PEX7: variants seen among roughly 807,000 people sequenced by gnomAD.
The protein encoded by PEX7 is PTS2 receptor.
Under a neutral mutation model 47.5 loss-of-function variants are expected in PEX7, and 34 were observed. That is an observed-to-expected ratio of 0.72 (90% CI 0.54 to 0.95). The LOEUF is 0.95. PEX7 is among the 40% of genes least tolerant of loss of function. The pLI, the probability that PEX7 is intolerant of heterozygous loss-of-function variation, is 0.00. For synonymous variants in PEX7, 141 were observed against 148.8 expected (o/e 0.95, Z 0.38); for missense variants, 394 against 400.3 (o/e 0.98, Z 0.13).
chr6:136,825,585 G>GTACA (rs1774173193), intron 2 of PEX7, among the ~76,000 whole-genome samples: 1 of 151,954 alleles, frequency 6.6e-6, no homozygotes, highest in South Asian at 2.1e-4. Context: ...CCAGGCTGGA[G>GTACA]TACAGTGGCG....
At chr6:136,908,423 C>T (rs1324797598) in intron 9 of PEX7, among the ~76,000 whole-genome samples, 3 of 152,028 alleles carry the variant, frequency 2.0e-5, no homozygotes, top group African/African-American at 7.2e-5. Context: ...AGAAATATAA[C>T]ATTTTGACAA....
chr6:136,837,407 G>A (rs865830877), intron 3 of PEX7, among the ~76,000 whole-genome samples: 14 of 142,508 alleles, frequency 9.8e-5, no homozygotes, highest in East Asian at 6.3e-4. Flanking sequence ...AGAGAAAAGC[G>A]TTATGAGAAT....
intron 8 of PEX7, among the ~76,000 whole-genome samples, chr6:136,881,816 G>C (rs1452644522): frequency 6.6e-6 from 1 of 152,176 alleles, no homozygotes; most frequent in Non-Finnish European, 1.5e-5. Flanking sequence ...GCTGAGTCCT[G>C]AGCAAGGACA....
intron 8 of PEX7, among the ~76,000 whole-genome samples, chr6:136,896,715 A>T (rs1027846501): frequency 6.6e-6 from 1 of 152,174 alleles, no homozygotes; most frequent in African/African-American, 2.4e-5. Flanking sequence ...GCCATATTAA[A>T]TGCTTATTTT....
intron 6 of PEX7, among the ~76,000 whole-genome samples, chr6:136,869,501 G>T (rs1169814649): frequency 6.6e-6 from 1 of 152,128 alleles, no homozygotes; most frequent in Non-Finnish European, 1.5e-5. Context: ...GCCTCCCAAG[G>T]TGCTGGAATT....
intron 3 of PEX7, among the ~76,000 whole-genome samples, chr6:136,828,142 A>G (rs1307350060): frequency 1.3e-5 from 2 of 152,200 alleles, no homozygotes; most frequent in Admixed American, 6.5e-5. Flanking sequence ...TCAATCAAGT[A>G]AAGTCGTTGC....
chr6:136,862,576 A>T (rs946324708), intron 5 of PEX7, among the ~76,000 whole-genome samples: 4 of 152,026 alleles, frequency 2.6e-5, no homozygotes, highest in African/African-American at 4.8e-5. Flanking sequence ...GAATCTCACT[A>T]TGTTGCTCAG....
At chr6:136,830,109 A>C in intron 3 of PEX7, 1 of 689,012 alleles carries the variant, frequency 1.5e-6, no homozygotes, top group East Asian at 2.7e-5. Context: ...GGTTTTAGTC[A>C]ATCTTGGATT....
intron 9 of PEX7, among the ~76,000 whole-genome samples, chr6:136,908,563 G>A (rs1562760665): frequency 1.3e-5 from 2 of 152,124 alleles, no homozygotes; most frequent in Admixed American, 6.6e-5. Flanking sequence ...GGGCTTGTGA[G>A]TAAAGGAATA....
intron 9 of PEX7, among the ~76,000 whole-genome samples, chr6:136,910,236 A>C (rs1237377035): frequency 6.6e-6 from 1 of 152,214 alleles, no homozygotes; most frequent in Non-Finnish European, 1.5e-5. Flanking sequence ...TGTTCTAATA[A>C]GACATGGTCC....
intron 6 of PEX7, among the ~76,000 whole-genome samples, chr6:136,868,961 CAA>C (rs757786140): frequency 8.5e-5 from 13 of 152,174 alleles, no homozygotes; most frequent in Non-Finnish European, 1.6e-4. Context: ...GAGTTGGAAA[CAA>C]TGATTAATTT....
intron 5 of PEX7, among the ~76,000 whole-genome samples, chr6:136,862,468 C>A (rs561960614): frequency 6.6e-6 from 1 of 150,420 alleles, no homozygotes. Context: ...CTTGACCTCC[C>A]GGACTCAAGC....
intron 3 of PEX7, among the ~76,000 whole-genome samples, chr6:136,832,803 A>G (rs1472998639): frequency 2.0e-5 from 3 of 152,228 alleles, no homozygotes; most frequent in Non-Finnish European, 4.4e-5. Context: ...AAAGCATTGC[A>G]TGAATGACCT....
At chr6:136,902,633 C>A (rs901178373) in intron 9 of PEX7, among the ~76,000 whole-genome samples, 5 of 151,524 alleles carry the variant, frequency 3.3e-5, no homozygotes, top group African/African-American at 4.8e-5. Flanking sequence ...TCTTTTCTTT[C>A]TTATCCTTCT....
chr6:136,854,370 A>T (rs188148341), intron 5 of PEX7, among the ~76,000 whole-genome samples: 3 of 152,210 alleles, frequency 2.0e-5, no homozygotes, highest in Admixed American at 6.5e-5. Flanking sequence ...TATTTTTAGT[A>T]GAGACAGGGT....
chr6:136,835,875 A>C (rs59909220), intron 3 of PEX7, among the ~76,000 whole-genome samples: 2,443 of 152,330 alleles, frequency 0.016, 69 homozygotes, highest in African/African-American at 0.056. Context: ...AAAGTTTCTA[A>C]AATTTTTTAA....
intron 5 of PEX7, among the ~76,000 whole-genome samples, chr6:136,860,763 T>C (rs1006624411): frequency 1.7e-4 from 26 of 152,122 alleles, no homozygotes; most frequent in Non-Finnish European, 2.6e-4. Flanking sequence ...AATACACATA[T>C]TGAACAGTGC....
intron 9 of PEX7, among the ~76,000 whole-genome samples, chr6:136,911,726 A>G (rs1319535217): frequency 2.0e-5 from 3 of 151,950 alleles, no homozygotes; most frequent in African/African-American, 4.8e-5. Context: ...ATTTTTTGCT[A>G]TCGTGAATGA....
chr6:136,842,554 T>C (rs920604589), intron 3 of PEX7, among the ~76,000 whole-genome samples: 5 of 152,178 alleles, frequency 3.3e-5, no homozygotes, highest in Admixed American at 6.5e-5. Context: ...TGGAAATGTG[T>C]GGAGGCAGTG....
Sources: allele counts gnomAD v4.1 joint callset (sites outside exome capture counted in the v4.1 genomes callset), GRCh38; gene constraint gnomAD v4.1.1; transcripts MANE v1.5; gene names NCBI Gene and HGNC (gene_info 2026-07-23, HGNC 2026-07-21).